Variants in NRG2 observed in about 807,000 individuals in gnomAD.
The protein encoded by NRG2 is pro-neuregulin-2, membrane-bound isoform.
Under a neutral mutation model 73.9 loss-of-function variants are expected in NRG2, and 27 were observed. The observed-to-expected ratio is 0.37, with a 90% CI of 0.27 to 0.50. The LOEUF (loss-of-function observed/expected upper bound fraction) is 0.50, where lower values mean the gene tolerates loss of function less well. Ranked by LOEUF, NRG2 falls within the 20% of genes least tolerant of loss-of-function variation. NRG2 has a pLI of 0.96. For synonymous variants in NRG2, 532 were observed against 541.0 expected (o/e 0.98, Z 0.23); for missense variants, 1,126 against 1,210.1 (o/e 0.93, Z 1.03).
intron 1 of NRG2, among the ~76,000 whole-genome samples, chr5:140,009,673 T>TATTCATAC (rs1759198782): frequency 6.6e-6 from 1 of 152,246 alleles, no homozygotes; most frequent in Non-Finnish European, 1.5e-5. Context: ...TGTCAGTGTT[T>TATTCATAC]ATTCATACCT....
intron 1 of NRG2, among the ~76,000 whole-genome samples, chr5:140,007,436 A>G (rs991016969): frequency 9.9e-5 from 15 of 152,008 alleles, no homozygotes; most frequent in African/African-American, 3.4e-4. Flanking sequence ...CAGAGCCATA[A>G]CAGACACAAG....
intron 1 of NRG2, among the ~76,000 whole-genome samples, chr5:140,039,816 T>C (rs752088726): frequency 9.8e-5 from 15 of 152,356 alleles, no homozygotes; most frequent in Non-Finnish European, 1.8e-4. Context: ...TTGCTCAATG[T>C]AACGGCCATG....
intron 1 of NRG2, among the ~76,000 whole-genome samples, chr5:140,031,495 C>T (rs1761151293): frequency 6.6e-6 from 1 of 152,120 alleles, no homozygotes; most frequent in South Asian, 2.1e-4. Context: ...TTTTTATTTT[C>T]ACTATTTTTC....
At chr5:139,859,527 G>T (rs761005522) in intron 5 of NRG2, among the ~76,000 whole-genome samples, 28 of 152,296 alleles carry the variant, frequency 1.8e-4, no homozygotes, top group African/African-American at 6.0e-4. Flanking sequence ...CCTTCAAGGG[G>T]CCATGTTCAC....
chr5:139,934,712 T>C (rs547587680), intron 1 of NRG2, among the ~76,000 whole-genome samples: 1 of 152,092 alleles, frequency 6.6e-6, no homozygotes, highest in Non-Finnish European at 1.5e-5. Context: ...GACCAAACAA[T>C]GTAGGTTAAA....
chr5:139,876,318 C>T (rs550977136), intron 3 of NRG2, among the ~76,000 whole-genome samples: 12 of 152,036 alleles, frequency 7.9e-5, no homozygotes, highest in African/African-American at 1.4e-4. Context: ...TAGTGGTTGC[C>T]GGGGCTGGAG....
chr5:140,005,193 T>G (rs1246868167), intron 1 of NRG2, among the ~76,000 whole-genome samples: 1 of 152,114 alleles, frequency 6.6e-6, no homozygotes, highest in African/African-American at 2.4e-5. Context: ...CCCCAAAGCT[T>G]GAAGTATCTG....
intron 1 of NRG2, among the ~76,000 whole-genome samples, chr5:139,912,923 G>A (rs758954832): frequency 3.3e-5 from 5 of 152,198 alleles, no homozygotes; most frequent in South Asian, 2.1e-4. Context: ...GGAGCCCTGA[G>A]TCTCCACATA....
chr5:139,945,603 C>T (rs1409622697), intron 1 of NRG2, among the ~76,000 whole-genome samples: 6 of 151,998 alleles, frequency 3.9e-5, no homozygotes, highest in Admixed American at 3.9e-4. Context: ...TATTTGGGGT[C>T]TTTTGTGGTT....
chr5:139,891,333 A>C (rs114814762), intron 1 of NRG2, among the ~76,000 whole-genome samples: 3,295 of 152,288 alleles, frequency 0.022, 123 homozygotes, highest in African/African-American at 0.075. Context: ...AGGAACTGAG[A>C]GCTCCAAAGT....
chr5:139,997,345 T>C (rs1214343520), intron 1 of NRG2, among the ~76,000 whole-genome samples: 1 of 152,162 alleles, frequency 6.6e-6, no homozygotes, highest in African/African-American at 2.4e-5. Context: ...ACTCATCTCT[T>C]TGGCCCTAAA....
In NRG2 at chr5:139,915,150, C is replaced by T. The variant is rs1751155158; in HGVS notation, c.701-27639G>A. ...TCCCATTAAGCTTCTTTCAGACAAA[C>T]CGGCTTAATGTAATTACGGAAATGG... On this transcript the variant is annotated intron_variant, in intron 1 of 9. Coordinates refer to ENST00000361474, the MANE Select transcript of NRG2 (RefSeq NM_004883.3). The surrounding 1 kb of genome is among the most constrained non-coding windows in gnomAD (Gnocchi z 4.0). Among the ~76,000 whole-genome samples the T allele has an allele frequency of 6.6e-6, 1 of 152,204 alleles. No homozygotes were observed. Among genetic ancestry groups the T allele is most frequent in the African/African-American group, 2.4e-5 (1 of 41,446 alleles).
rs567807950 is a variant in NRG2 at position 139,848,044 on chromosome 5, G to C, written c.2426C>G (p.Ser809Trp). 4,157 of 1,507,242 alleles carry C rather than the reference G, an allele frequency of 2.8e-3. 14 individuals carry two copies. The highest frequency in any genetic ancestry group is 6.4e-3 in the Admixed American group (302 of 47,434). 93.4% of individuals were successfully genotyped at this position (1,507,242 alleles called of 1,614,324 possible). A position where few individuals can be genotyped will look rare whatever the true frequency, so the allele number is the denominator to read the frequency against. ...GTCGGCCGCCGGGCACAGTGGCGGC[G>C]AGTCCGAGCGCAGCGCGTCGTGCGC... The part of the protein sequence containing the change: ...RGAHDALRSD[S>W]PPLCPAADSR... The change falls in exon 10 of 10, where the codon TCG becomes TGG. Residue 809 changes from serine to tryptophan, a missense_variant. Ser to Trp is a radical substitution (Grantham distance 177, BLOSUM62 -3). Around this residue, in one of 3 missense-constraint regions of NRG2, gnomAD observed 402 missense variants for 357.8 expected, o/e 1.12. Coordinates refer to ENST00000361474, the MANE Select transcript of NRG2 (RefSeq NM_004883.3).
intron 1 of NRG2, among the ~76,000 whole-genome samples, chr5:139,922,620 A>C (rs1378256676): frequency 6.6e-6 from 1 of 152,230 alleles, no homozygotes; most frequent in African/African-American, 2.4e-5. Flanking sequence ...AATGAGCTGA[A>C]AACTTATATC....
At chr5:139,998,616 C>T (rs377153353) in intron 1 of NRG2, among the ~76,000 whole-genome samples, 1 of 152,172 alleles carries the variant, frequency 6.6e-6, no homozygotes, top group Admixed American at 6.5e-5. Context: ...GAAAGAAGTA[C>T]AGAACTCTAG....
Position 139,965,975 on chromosome 5 carries a change from AT to A in NRG2, c.700+76394del, listed in dbSNP as rs562153766. Among the ~76,000 whole-genome samples the A allele has an allele frequency of 4.3e-3, 646 of 150,010 alleles. 3 individuals carry two copies. The highest frequency in any genetic ancestry group is 0.013 in the East Asian group (64 of 5,120). ...TTCCTAGGACTTTTCACAATTTCTA[AT>A]TTTTTTTTTATATTTGCTTACTTAT... On this transcript the variant is annotated intron_variant, in intron 1 of 9. Transcript: ENST00000361474.
chr5:140,009,241 C>T (rs1759163772), intron 1 of NRG2, among the ~76,000 whole-genome samples: 1 of 152,196 alleles, frequency 6.6e-6, no homozygotes, highest in South Asian at 2.1e-4. Context: ...CAGAGCTGGA[C>T]ACATGGAATC....
At chr5:140,012,121 C>T (rs545532025) in intron 1 of NRG2, among the ~76,000 whole-genome samples, 59 of 152,344 alleles carry the variant, frequency 3.9e-4, no homozygotes, top group Non-Finnish European at 5.6e-4. Flanking sequence ...TCCCTTTGCA[C>T]ATACCGTTCC....
rs1401706134 is a variant in NRG2, at chr5:139,904,600, G to A, written c.701-17089C>T. 1.3e-5 allele frequency among the ~76,000 whole-genome samples: 2 copies of A among 152,130 alleles called. No homozygotes were observed. The highest frequency in any genetic ancestry group is 1.3e-4 in the Admixed American group (2 of 15,290). ...CCCTCCACCGGCTCGGGCCGCGGGG[G>A]CGTGTGGGCGGCCGGTCTGGGCCCT... is the stretch of plus-strand genomic sequence containing the variant. On this transcript the variant is annotated intron_variant, in intron 1 of 9. Transcript: ENST00000361474. The surrounding 1 kb of genome is among the most constrained non-coding windows in gnomAD (Gnocchi z 6.0).
Sources: allele counts gnomAD v4.1 joint callset (sites outside exome capture counted in the v4.1 genomes callset), GRCh38; gene constraint gnomAD v4.1.1; regional missense constraint gnomAD v4.1.1; non-coding constraint Gnocchi (gnomAD v3.1); transcripts MANE v1.5; gene names NCBI Gene and HGNC (gene_info 2026-07-23, HGNC 2026-07-21).